The following EPHA6 variants were observed in gnomAD, a reference collection of about 807,000 sequenced individuals.
EPHA6 encodes the protein EPH receptor A6.
EPHA6 carries 50 observed loss-of-function variants against 112.0 expected under a neutral mutation model. The ratio of observed to expected loss-of-function variants is 0.45; its 90% CI spans 0.36 to 0.56. The LOEUF (loss-of-function observed/expected upper bound fraction) is 0.56, where lower values mean the gene tolerates loss of function less well. EPHA6 is among the 20% of genes least tolerant of loss of function. EPHA6 has a pLI of 0.00. For missense variants in EPHA6, 1,280 were observed against 1,417.4 expected (o/e 0.90, Z 1.56); for synonymous variants, 529 against 490.7 (o/e 1.08, Z -1.03).
intron 2 of EPHA6, among the ~76,000 whole-genome samples, chr3:96,903,327 C>A (rs756131398): frequency 5.5e-4 from 82 of 149,380 alleles, no homozygotes; most frequent in Non-Finnish European, 1.0e-3. Context: ...ATTCTCCTTC[C>A]CCTGCTCTGG....
At position 97,058,607 on chromosome 3, in the gene EPHA6, T is replaced by A. The variant is rs960905309; in HGVS notation, c.1114+70614T>A. On this transcript the variant is annotated intron_variant, in intron 3 of 17. Coordinates refer to ENST00000389672, the MANE Select transcript of EPHA6 (RefSeq NM_001080448.3). The stretch of plus-strand genomic sequence containing the variant: ...GTGAGCCACCATGCCCGGCCTGGAG[T>A]AAGGAGTTTTTAATCAAGTTCTTTT... 3.3e-5 allele frequency among the ~76,000 whole-genome samples: 5 copies of A among 152,010 alleles called. No homozygotes were observed. The South Asian group carries it at 6.2e-4, about 19-fold the overall frequency.
In EPHA6 at chr3:97,193,787, C is replaced by T. The variant is rs114932920; in HGVS notation, c.1115-32477C>T. ...ACTTTAGCTATAGATCTGTCATATA[C>T]GGCTTTTATTATATTTAGGTATGTT... On this transcript the variant is annotated intron_variant, in intron 3 of 17. Coordinates refer to ENST00000389672, the MANE Select transcript of EPHA6 (RefSeq NM_001080448.3). Among the ~76,000 whole-genome samples, 940 of 152,006 alleles carry T rather than the reference C, an allele frequency of 6.2e-3. 7 individuals carry two copies. Among genetic ancestry groups the T allele is most frequent in the African/African-American group, 0.021 (891 of 41,534 alleles).
intron 7 of EPHA6, chr3:97,466,189 C>A (rs1287389140): frequency 2.8e-6 from 2 of 723,884 alleles, no homozygotes; most frequent in Non-Finnish European, 5.0e-6. Context: ...CCCTACACTT[C>A]CAATCCTATC....
chr3:96,972,922 T>C (rs1295306129), intron 2 of EPHA6, among the ~76,000 whole-genome samples: 1 of 152,224 alleles, frequency 6.6e-6, no homozygotes, highest in Non-Finnish European at 1.5e-5. Context: ...TTGAGAGATT[T>C]ATGTAAGAAC....
chr3:97,743,744 G>A lies in EPHA6; in HGVS notation c.3129-3679G>A, dbSNP rs369660616. Among the ~76,000 whole-genome samples, 13 of 152,128 alleles carry A rather than the reference G, an allele frequency of 8.5e-5. No individual in the cohort carries two copies. The South Asian group carries it at 2.5e-3, about 29-fold the overall frequency. On this transcript the variant is annotated intron_variant, in intron 16 of 17. Coordinates refer to ENST00000389672, the MANE Select transcript of EPHA6 (RefSeq NM_001080448.3). ...GAAGAAAAGCCTTTAAGCATTATGA[G>A]GGTGTCATGTTAAAACAGAATCTTA...
intron 2 of EPHA6, among the ~76,000 whole-genome samples, chr3:96,982,807 A>C (rs1281379378): frequency 1.3e-5 from 2 of 152,158 alleles, no homozygotes; most frequent in East Asian, 3.9e-4. Flanking sequence ...ACCATTATGT[A>C]ATGGCCTTCT....
chr3:97,007,239 G>A (rs1278970895), intron 3 of EPHA6, among the ~76,000 whole-genome samples: 15 of 151,996 alleles, frequency 9.9e-5, no homozygotes, highest in Admixed American at 1.3e-4. Flanking sequence ...TGGGAGTCTA[G>A]GTGTCTTTGT....
At chr3:97,016,123 A>G (rs919426848) in intron 3 of EPHA6, among the ~76,000 whole-genome samples, 1 of 151,768 alleles carries the variant, frequency 6.6e-6, no homozygotes, top group African/African-American at 2.4e-5. Context: ...CATTGAAGAT[A>G]TGTGTCTTAC....
rs112277307 is a variant in EPHA6 at position 97,083,948 on chromosome 3, G to A, written c.1114+95955G>A. The stretch of plus-strand genomic sequence containing the variant: ...TGAGCTAGAAAGATGTCCATGATAT[G>A]AGGCAAAATGAAAAAAATGGGAAAC... On this transcript the variant is annotated intron_variant, in intron 3 of 17. Transcript: ENST00000389672. 2.8e-3 allele frequency among the ~76,000 whole-genome samples: 427 copies of A among 151,392 alleles called. 1 individual carries two copies. The highest frequency in any genetic ancestry group is 9.6e-3 in the African/African-American group (397 of 41,404).
At chr3:97,307,569 A>G (rs1351028862) in intron 5 of EPHA6, among the ~76,000 whole-genome samples, 2 of 151,180 alleles carry the variant, frequency 1.3e-5, no homozygotes, top group Non-Finnish European at 3.0e-5. Context: ...TTTAGTTTGG[A>G]GATGCCAGGA....
At position 96,929,086 on chromosome 3, in the gene EPHA6, A is replaced by G. The variant is rs530172492; in HGVS notation, c.451-58244A>G. On this transcript the variant is annotated intron_variant, in intron 2 of 17. Coordinates refer to ENST00000389672, the MANE Select transcript of EPHA6 (RefSeq NM_001080448.3). ...TTTTTATCCAGCTTGAAGATGACATACCAATGGGTCTTGGCCTTATATCCA... is the reference window on the plus strand; with the variant it reads ...TTTTTATCCAGCTTGAAGATGACATGCCAATGGGTCTTGGCCTTATATCCA... Among the ~76,000 whole-genome samples, 59 of 152,262 alleles carry G rather than the reference A, an allele frequency of 3.9e-4. No homozygotes were observed. The South Asian group carries it at 0.012, about 30-fold the overall frequency.
chr3:97,284,465 ACCTGTGAGT>A (rs1310021032), intron 5 of EPHA6, among the ~76,000 whole-genome samples: 1 of 152,086 alleles, frequency 6.6e-6, no homozygotes, highest in East Asian at 1.9e-4. Flanking sequence ...TGTTTCATTT[ACCTGTGAGT>A]CCGAGTTTGT....
intron 3 of EPHA6, among the ~76,000 whole-genome samples, chr3:97,147,969 A>G (rs2076083470): frequency 6.6e-6 from 1 of 152,144 alleles, no homozygotes; most frequent in African/African-American, 2.4e-5. Context: ...AATGTTAACA[A>G]TATGGGAAAC....
At position 97,290,888 on chromosome 3, in the gene EPHA6, T is replaced by C. The variant is rs149214934; in HGVS notation, c.1606+46601T>C. Reference sequence around the variant, plus strand: ...ATTGTGTTTTTAGTCTCATTCTTTTTATTTCTGCTCTGATCTTTATTGCTT... The same window carrying C: ...ATTGTGTTTTTAGTCTCATTCTTTTCATTTCTGCTCTGATCTTTATTGCTT... On this transcript the variant is annotated intron_variant, in intron 5 of 17. Transcript: ENST00000389672. 2.9e-3 allele frequency among the ~76,000 whole-genome samples: 438 copies of C among 152,222 alleles called. 6 individuals carry two copies. Among genetic ancestry groups the C allele is most frequent in the Non-Finnish European group, 1.0e-3 (69 of 68,006 alleles).
rs192241365 is a variant in EPHA6, at chr3:96,831,812, G to A, written c.385+16804G>A. On this transcript the variant is annotated intron_variant, in intron 1 of 17. Coordinates refer to ENST00000389672, the MANE Select transcript of EPHA6 (RefSeq NM_001080448.3). ...CTTATAAGATATTAGATAGTCCACA[G>A]AATTGAAGAATATCTTAGAAAACAA... Among the ~76,000 whole-genome samples the A allele has an allele frequency of 7.8e-4, 119 of 152,138 alleles. 1 individual carries two copies. Among genetic ancestry groups the A allele is most frequent in the African/African-American group, 2.7e-3 (113 of 41,544 alleles).
intron 3 of EPHA6, among the ~76,000 whole-genome samples, chr3:97,008,554 A>G (rs2043968183): frequency 6.6e-6 from 1 of 152,166 alleles, no homozygotes; most frequent in Non-Finnish European, 1.5e-5. Flanking sequence ...GGGTTAGAAC[A>G]TGCTCTTTTA....
At chr3:97,302,341 A>G (rs1424586590) in intron 5 of EPHA6, among the ~76,000 whole-genome samples, 1 of 152,078 alleles carries the variant, frequency 6.6e-6, no homozygotes, top group African/African-American at 2.4e-5. Flanking sequence ...TGCTCTTGTC[A>G]TAATAAAATA....
chr3:97,154,232 T>A lies in EPHA6; in HGVS notation c.1115-72032T>A, dbSNP rs2076238323. Among the ~76,000 whole-genome samples, 3 of 152,012 alleles carry A rather than the reference T, an allele frequency of 2.0e-5. No homozygotes were observed. The South Asian group carries it at 6.2e-4, about 31-fold the overall frequency. On this transcript the variant is annotated intron_variant, in intron 3 of 17. Coordinates refer to ENST00000389672, the MANE Select transcript of EPHA6 (RefSeq NM_001080448.3). ...GGGCACTGATACATCCAAATTTGCA[T>A]ATATTGGGAAGATATGTCTCGTCTT...
chr3:97,750,152 A>C lies in EPHA6; in HGVS notation c.*1451A>C. Reference sequence around the variant, plus strand: ...GACTGTTTTAGGTGAAAGAGTAAGTAAAATGTGTTGAGAGAAAAAAACAGA... The same window carrying C: ...GACTGTTTTAGGTGAAAGAGTAAGTCAAATGTGTTGAGAGAAAAAAACAGA... On this transcript the variant is annotated 3_prime_UTR_variant, in exon 18 of 18. Transcript: ENST00000389672. 6.6e-6 allele frequency among the ~76,000 whole-genome samples: 1 copy of C among 152,190 alleles called. No individual in the cohort carries two copies. The highest frequency in any genetic ancestry group is 1.9e-4 in the East Asian group (1 of 5,196).
Sources: gnomAD v4.1 joint callset for allele counts (sites outside exome capture counted in the v4.1 genomes callset) on GRCh38, gnomAD v4.1.1 for gene constraint, MANE v1.5 for transcripts, NCBI Gene and HGNC (gene_info 2026-07-23, HGNC 2026-07-21) for gene names.